The following WWTR1 variants were observed in gnomAD, a reference collection of about 807,000 sequenced individuals.
The protein encoded by WWTR1 is WW domain-containing transcription regulator protein 1.
In WWTR1, 13 loss-of-function variants were observed where a neutral mutation model predicts 40.1. That is an observed-to-expected ratio of 0.32 (90% confidence interval 0.21 to 0.52). The LOEUF (loss-of-function observed/expected upper bound fraction) is 0.52, where lower values mean the gene tolerates loss of function less well. Ranked by LOEUF, WWTR1 falls within the 20% of genes least tolerant of loss-of-function variation. The pLI is 0.97. For missense variants in WWTR1, 436 were observed against 523.1 expected (o/e 0.83, Z 1.63); for synonymous variants, 230 against 210.1 (o/e 1.09, Z -0.82).
At position 149,654,424 on chromosome 3, in the gene WWTR1, A is replaced by T. The variant is rs113443567; in HGVS notation, c.431+2452T>A. Reference sequence around the variant, plus strand: ...CCTCTCTTAGTCACTTGGCCAAAATACTTCCAGGGATAGCATCAGAGCAGG... The same window carrying T: ...CCTCTCTTAGTCACTTGGCCAAAATTCTTCCAGGGATAGCATCAGAGCAGG... On this transcript the variant is annotated intron_variant, in intron 2 of 6. Coordinates refer to ENST00000360632, the MANE Select transcript of WWTR1 (RefSeq NM_015472.6). 4.9e-3 allele frequency among the ~76,000 whole-genome samples: 742 copies of T among 152,322 alleles called. 2 individuals are homozygous for T. Among genetic ancestry groups the T allele is most frequent in the Non-Finnish European group, 8.9e-3 (605 of 68,024 alleles).
intron 2 of WWTR1, among the ~76,000 whole-genome samples, chr3:149,592,071 A>G (rs1738751830): frequency 6.6e-6 from 1 of 152,188 alleles, no homozygotes; most frequent in South Asian, 2.1e-4. Context: ...GGTAACCTCA[A>G]TGATGTTCTA....
chr3:149,712,233 C>T (rs1010501827), intron 5 of WWTR1, among the ~76,000 whole-genome samples: 1 of 152,138 alleles, frequency 6.6e-6, no homozygotes, highest in South Asian at 2.1e-4. Context: ...CTGTAGTACA[C>T]TATGACCACA....
intron 4 of WWTR1, among the ~76,000 whole-genome samples, chr3:149,723,185 CTT>C (rs35573546): frequency 0.08 from 8,181 of 101,650 alleles, 271 homozygotes; most frequent in East Asian, 0.27. Context: ...CTTTTCTTTT[CTT>C]TTTTTTTTTT....
Position 149,518,296 on chromosome 3 carries a change from A to C in WWTR1, c.*2509T>G, listed in dbSNP as rs1187796731. ...AAGCTTACTAGAAAATTACTTCTAA[A>C]AATTGGTAATATAAATCATCAATGA... is the stretch of plus-strand genomic sequence containing the variant. On this transcript the variant is annotated 3_prime_UTR_variant, in exon 7 of 7. Coordinates refer to ENST00000360632, the MANE Select transcript of WWTR1 (RefSeq NM_015472.6). The C allele has an allele frequency of 6.6e-6, 1 of 152,114 alleles. No homozygotes were observed. Among genetic ancestry groups the C allele is most frequent in the Non-Finnish European group, 1.5e-5 (1 of 68,014 alleles). 9.4% of individuals were successfully genotyped at this position (152,114 alleles called of 1,614,324 possible).
At chr3:149,542,265 G>GAATTA in intron 4 of WWTR1, 70 bp downstream of exon 4, 1 of 1,524,680 alleles carries the variant, frequency 6.6e-7, no homozygotes, top group South Asian at 1.3e-5. Flanking sequence ...CTGAAGGTAA[G>GAATTA]CAGCTACCTA....
At chr3:149,525,777 C>A (rs971364753) in intron 6 of WWTR1, 56 of 293,670 alleles carry the variant, frequency 1.9e-4, no homozygotes, top group Non-Finnish European at 2.3e-4. Context: ...TGGGGAGGAA[C>A]AAGGGGTGAA....
chr3:149,611,620 G>C (rs556360619), intron 2 of WWTR1, among the ~76,000 whole-genome samples: 3 of 152,206 alleles, frequency 2.0e-5, no homozygotes, highest in African/African-American at 7.2e-5. Flanking sequence ...CATATTGTGA[G>C]GGGCAGAATG....
intron 4 of WWTR1, among the ~76,000 whole-genome samples, chr3:149,538,784 G>A (rs149136648): frequency 3.3e-5 from 5 of 152,310 alleles, no homozygotes; most frequent in African/African-American, 1.2e-4. Flanking sequence ...GGTAGCCACT[G>A]GGCCCCTGTG....
chr3:149,683,835 G>C (rs1329888943), intron 1 of WWTR1, among the ~76,000 whole-genome samples: 5 of 152,208 alleles, frequency 3.3e-5, no homozygotes, highest in Non-Finnish European at 7.3e-5. Context: ...CAATGTCCAA[G>C]AGAGACGAGC....
At chr3:149,604,227 AATCAC>A (rs1739386374) in intron 2 of WWTR1, among the ~76,000 whole-genome samples, 1 of 152,222 alleles carries the variant, frequency 6.6e-6, no homozygotes, top group South Asian at 2.1e-4. Flanking sequence ...ACTGGCTTAA[AATCAC>A]ACTGCCAACA....
chr3:149,568,901 G>T (rs1269593451), intron 3 of WWTR1, among the ~76,000 whole-genome samples: 1 of 152,154 alleles, frequency 6.6e-6, no homozygotes, highest in African/African-American at 2.4e-5. Context: ...CGAGCAGCTG[G>T]GACTACAGGC....
chr3:149,695,449 T>A (rs1387273645), intron 1 of WWTR1, among the ~76,000 whole-genome samples: 2 of 152,038 alleles, frequency 1.3e-5, no homozygotes, highest in African/African-American at 4.8e-5. Flanking sequence ...TATGTACTCA[T>A]AAAAATTAAA....
chr3:149,542,367 T>C lies in WWTR1; in HGVS notation c.739A>G (p.Ile247Val). ...ATGAGCTCCTCTTGGCGCATTCGAA[T>C]CCTTTCTCTCTCCATCTGGATTCTC... ...LQRIQMERER[I>V]RMRQEELMRQ... Residue 247 changes from isoleucine (I) to valine (V), a missense_variant, in exon 4 of 7, where the codon ATT becomes GTT. Physicochemically the swap from Ile to Val is conservative, Grantham distance 29. Transcript: ENST00000360632. 3 of 1,613,972 alleles carry C rather than the reference T, an allele frequency of 1.9e-6. No individual in the cohort carries two copies. Among genetic ancestry groups the C allele is most frequent in the Non-Finnish European group, 2.5e-6 (3 of 1,179,920 alleles).
At chr3:149,723,035 T>TA (rs1394560485) in intron 4 of WWTR1, among the ~76,000 whole-genome samples, 1 of 148,830 alleles carries the variant, frequency 6.7e-6, no homozygotes, top group African/African-American at 2.6e-5. Flanking sequence ...TTTCTTGTTA[T>TA]TTTTTTTCCC....
intron 4 of WWTR1, among the ~76,000 whole-genome samples, chr3:149,539,705 G>C (rs1053540202): frequency 6.6e-6 from 1 of 152,120 alleles, no homozygotes; most frequent in Non-Finnish European, 1.5e-5. Flanking sequence ...AACTAAACAA[G>C]TGAGCCAAAG....
At chr3:149,612,157 T>A (rs16862037) in intron 2 of WWTR1, among the ~76,000 whole-genome samples, 2,824 of 152,266 alleles carry the variant, frequency 0.019, 93 homozygotes, top group African/African-American at 0.064. Context: ...ATTCTGATAA[T>A]CAAACACCAA....
intron 2 of WWTR1, among the ~76,000 whole-genome samples, chr3:149,611,757 CAT>C (rs1356795048): frequency 2.0e-5 from 3 of 152,194 alleles, no homozygotes; most frequent in East Asian, 1.9e-4. Context: ...CAGTTAATAA[CAT>C]AGCTCCAGAG....
chr3:149,639,281 C>T (rs1712018015), intron 2 of WWTR1, among the ~76,000 whole-genome samples: 1 of 152,158 alleles, frequency 6.6e-6, no homozygotes, highest in South Asian at 2.1e-4. Flanking sequence ...TAGTTCACTG[C>T]AACCCTGAAT....
chr3:149,697,632 A>G (rs1275221530), intron 1 of WWTR1, among the ~76,000 whole-genome samples: 1 of 152,072 alleles, frequency 6.6e-6, no homozygotes, highest in East Asian at 1.9e-4. Context: ...CTGCCACTGC[A>G]CCCCCAAATC....
Sources: allele counts gnomAD v4.1 joint callset (sites outside exome capture counted in the v4.1 genomes callset), GRCh38; gene constraint gnomAD v4.1.1; transcripts MANE v1.5; gene names NCBI Gene and HGNC (gene_info 2026-07-23, HGNC 2026-07-21).